The following ZNF354A variants were observed in gnomAD, a reference collection of about 807,000 sequenced individuals.
ZNF354A encodes zinc finger protein 354A.
A neutral mutation model predicts 53.3 loss-of-function variants in ZNF354A; 25 were observed. That is an observed-to-expected ratio of 0.47 (90% CI 0.34 to 0.66). The LOEUF (loss-of-function observed/expected upper bound fraction) is 0.66, where lower values mean the gene tolerates loss of function less well. Ranked by LOEUF, ZNF354A falls within the 30% of genes least tolerant of loss-of-function variation. The probability of loss-of-function intolerance (pLI) is 0.01; values close to 1 mark genes in which losing one functional copy is unlikely to be tolerated. For missense variants in ZNF354A, 586 were observed against 716.8 expected (o/e 0.82, Z 2.08); for synonymous variants, 228 against 249.0 (o/e 0.92, Z 0.79).
rs1765633022 is a variant in ZNF354A at position 178,712,264 on chromosome 5, A to T, written c.1614T>A (p.Ile538=). Reference sequence around the variant, plus strand: ...CTCCTGTATGAATCCTTCGATGCTGAATAAGAGCTGAACTTTGGCCAAAAG... The same window carrying T: ...CTCCTGTATGAATCCTTCGATGCTGTATAAGAGCTGAACTTTGGCCAAAAG... ...GISFGQSSAL[I]QHRRIHTGEK... The change falls in exon 5 of 5, where the codon ATT becomes ATA. Residue 538 remains isoleucine, a synonymous_variant. Coordinates refer to ENST00000335815, the MANE Select transcript of ZNF354A (RefSeq NM_005649.3). 3 of 1,614,136 alleles carry T rather than the reference A, an allele frequency of 1.9e-6. No individual in the cohort carries two copies. The highest frequency in any genetic ancestry group is 2.5e-6 in the Non-Finnish European group (3 of 1,179,980).
intron 3 of ZNF354A, among the ~76,000 whole-genome samples, chr5:178,726,427 A>G (rs1308734768): frequency 6.6e-6 from 1 of 151,768 alleles, no homozygotes; most frequent in African/African-American, 2.4e-5. Context: ...CCTTCAAAGT[A>G]GCGGGGACTA....
rs1369287481 is a variant in ZNF354A, at chr5:178,712,147, G to C, written c.1731C>G (p.Pro577=). 1.9e-6 allele frequency: 3 copies of C among 1,614,004 alleles called. No homozygotes were observed. The African/African-American group carries it at 4.0e-5, about 22-fold the overall frequency. Residue 577 remains proline, a synonymous_variant, in exon 5 of 5, where the codon CCC becomes CCG. Transcript: ENST00000335815. Reference sequence around the variant, plus strand: ...GTTTCCCACATGTATTACATTCATAGGGTTTCTCTCCAGTATGAATTCTCT... The same window carrying C: ...GTTTCCCACATGTATTACATTCATACGGTTTCTCTCCAGTATGAATTCTCT... ...AHQRIHTGEK[P]YECNTCGKLF...
intron 3 of ZNF354A, among the ~76,000 whole-genome samples, chr5:178,726,728 C>T (rs35850587): frequency 0.24 from 37,047 of 151,986 alleles, 5,155 homozygotes; most frequent in South Asian, 0.35. Context: ...CGTTGGGAAA[C>T]GATGCCTGAA....
chr5:178,716,125 G>A (rs1765708692), intron 4 of ZNF354A, among the ~76,000 whole-genome samples: 1 of 152,052 alleles, frequency 6.6e-6, no homozygotes, highest in African/African-American at 2.4e-5. Flanking sequence ...TCGAACTCCT[G>A]ATCTCATGTT....
rs199561646 is a variant in ZNF354A at position 178,725,397 on chromosome 5, C to T, written c.235G>A (p.Gly79Ser). ...GEDPWEVEKD[G>S]SGVSSLGSKS... ...TTACCTAGAGAGGAGACGCCAGAAC[C>T]GTCTTTCTCCACCTCCCAGGGATCT... Residue 79 changes from glycine to serine, a missense_variant, in exon 4 of 5, where the codon GGT becomes AGT. Gly to Ser is a moderately conservative substitution (Grantham distance 56). Around this residue, in one of 2 missense-constraint regions of ZNF354A, gnomAD observed 573 missense variants for 680.1 expected, o/e 0.84. Coordinates refer to ENST00000335815, the MANE Select transcript of ZNF354A (RefSeq NM_005649.3). The T allele has an allele frequency of 1.9e-5, 31 of 1,614,004 alleles. No individual in the cohort carries two copies. The highest frequency in any genetic ancestry group is 6.7e-5 in the East Asian group (3 of 44,882).
chr5:178,727,503 A>C (rs1013706538), intron 2 of ZNF354A, among the ~76,000 whole-genome samples: 15 of 152,222 alleles, frequency 9.9e-5, no homozygotes, highest in African/African-American at 3.6e-4. Flanking sequence ...AAACATATTC[A>C]TGGTGTTTTT....
chr5:178,725,503 A>C (rs1561621194), intron 3 of ZNF354A, 32 bp from the exon 4 acceptor site: 7 of 1,600,644 alleles, frequency 4.4e-6, no homozygotes, highest in Non-Finnish European at 6.0e-6. Flanking sequence ...CAACCAAACA[A>C]ATCAGACTTG....
At chr5:178,716,662 A>T (rs1057403132) in intron 4 of ZNF354A, among the ~76,000 whole-genome samples, 1 of 152,218 alleles carries the variant, frequency 6.6e-6, no homozygotes, top group African/African-American at 2.4e-5. Context: ...ATAGCTGAAG[A>T]AAGTGCTCAA....
In ZNF354A at chr5:178,713,223, A is replaced by C; in HGVS notation, c.655T>G (p.Cys219Gly). The change falls in exon 5 of 5, where the codon TGT (cysteine) becomes GGT (glycine). Residue 219 changes from cysteine (C) to glycine (G), a missense_variant. Cys to Gly is a radical substitution (Grantham distance 159, BLOSUM62 -3). This residue lies in a region of ZNF354A where 573 missense variants were observed against 680.1 expected (regional missense o/e 0.84). Transcript: ENST00000335815. ...TADKRYKCSL[C>G]EKTFINTSSL... ...GAAGTGTTAATGAAGGTTTTTTCAC[A>C]CAGACTACATTTATAGCGTTTATCT... The C allele has an allele frequency of 6.2e-7, 1 of 1,614,140 alleles. No individual in the cohort carries two copies. Among genetic ancestry groups the C allele is most frequent in the Non-Finnish European group, 8.5e-7 (1 of 1,180,012 alleles).
At chr5:178,714,911 C>T (rs1383593950) in intron 4 of ZNF354A, among the ~76,000 whole-genome samples, 5 of 152,134 alleles carry the variant, frequency 3.3e-5, no homozygotes, top group Non-Finnish European at 7.3e-5. Context: ...TTGAATTAAT[C>T]GACAAGAGGT....
At chr5:178,726,816 A>C (rs1161298895) in intron 3 of ZNF354A, among the ~76,000 whole-genome samples, 183 bp downstream of exon 3, 1 of 152,212 alleles carries the variant, frequency 6.6e-6, no homozygotes, top group Non-Finnish European at 1.5e-5. Flanking sequence ...ATTCCCAGAC[A>C]CAGGGCAATT....
At chr5:178,714,149 C>T (rs1293339266) in intron 4 of ZNF354A, among the ~76,000 whole-genome samples, 2 of 152,010 alleles carry the variant, frequency 1.3e-5, no homozygotes, top group Non-Finnish European at 2.9e-5. Flanking sequence ...GGATTACAGG[C>T]ACCCACCATC....
At chr5:178,718,928 TC>T (rs1765761462) in intron 4 of ZNF354A, among the ~76,000 whole-genome samples, 1 of 152,180 alleles carries the variant, frequency 6.6e-6, no homozygotes, top group African/African-American at 2.4e-5. Flanking sequence ...TGACAGGGTT[TC>T]ATTGTGTTGC....
chr5:178,712,618 A>C lies in ZNF354A; in HGVS notation c.1260T>G (p.Thr420=). Residue 420 remains threonine (T), a synonymous_variant, in exon 5 of 5, where the codon ACT becomes ACG. Transcript: ENST00000335815. ...GGTGTCTATTAAGTCGTGAAATAGAAGTAAAGCCTTTCCCACATTCATTGC... is the reference window on the plus strand; with the variant it reads ...GGTGTCTATTAAGTCGTGAAATAGACGTAAAGCCTTTCCCACATTCATTGC... The part of the protein sequence containing the change: ...YRCNECGKGF[T]SISRLNRHRI... 1 of 1,614,164 alleles carries C rather than the reference A, an allele frequency of 6.2e-7. No individual in the cohort carries two copies. The highest frequency in any genetic ancestry group is 8.5e-7 in the Non-Finnish European group (1 of 1,180,026).
rs1765630910 is a variant in ZNF354A at position 178,712,177 on chromosome 5, T to G, written c.1701A>C (p.Ala567=). 3 of 1,613,968 alleles carry G rather than the reference T, an allele frequency of 1.9e-6. No individual in the cohort carries two copies. In the African/African-American group the frequency reaches 4.0e-5, roughly 22 times the overall value. The change falls in exon 5 of 5, where the codon GCA becomes GCC. Residue 567 remains alanine, a synonymous_variant. Transcript: ENST00000335815. ...TCTCTCCAGTATGAATTCTCTGATG[T>G]GCAATACGTGATGAGCTTTGTCTAA... The part of the protein sequence containing the change: ...KTFRQSSSRI[A]HQRIHTGEKP...
At chr5:178,716,583 T>A (rs2113871303) in intron 4 of ZNF354A, among the ~76,000 whole-genome samples, 1 of 151,978 alleles carries the variant, frequency 6.6e-6, no homozygotes, top group Non-Finnish European at 1.5e-5. Flanking sequence ...TACTTTGGAG[T>A]GTGCGCATGT....
At chr5:178,714,552 T>C (rs551267632) in intron 4 of ZNF354A, among the ~76,000 whole-genome samples, 4 of 152,310 alleles carry the variant, frequency 2.6e-5, no homozygotes, top group African/African-American at 7.2e-5. Context: ...TTTCCTTTTC[T>C]GAAGTAACTG....
chr5:178,712,565 T>C lies in ZNF354A; in HGVS notation c.1313A>G (p.Tyr438Cys), dbSNP rs775258145. 3 of 1,614,212 alleles carry C rather than the reference T, an allele frequency of 1.9e-6. No individual in the cohort carries two copies. The highest frequency in any genetic ancestry group is 2.5e-6 in the Non-Finnish European group (3 of 1,180,034). ...GGCTTTACCACATTCATTACAATTA[T>C]AAAACTTCTCTCCAGTATGAATGAT... The part of the protein sequence containing the change: ...HRIIHTGEKF[Y>C]NCNECGKALS... Residue 438 changes from tyrosine to cysteine, a missense_variant, in exon 5 of 5, where the codon TAT becomes TGT. By Grantham distance (194) the Tyr-to-Cys change is radical. Around this residue, in one of 2 missense-constraint regions of ZNF354A, gnomAD observed 573 missense variants for 680.1 expected, o/e 0.84. Transcript: ENST00000335815.
intron 4 of ZNF354A, among the ~76,000 whole-genome samples, chr5:178,723,527 C>T (rs1765850492): frequency 1.3e-5 from 2 of 152,206 alleles, no homozygotes; most frequent in Non-Finnish European, 2.9e-5. Context: ...TAGGCCTGAG[C>T]AATTCTTCAG....
Sources: gnomAD v4.1 joint callset for allele counts (sites outside exome capture counted in the v4.1 genomes callset) on GRCh38, gnomAD v4.1.1 for gene constraint, gnomAD v4.1.1 regional missense constraint, MANE v1.5 for transcripts, NCBI Gene and HGNC (gene_info 2026-07-23, HGNC 2026-07-21) for gene names.